RFTN2: variants seen among roughly 807,000 people sequenced by gnomAD.
The protein encoded by RFTN2 is raftlin-2.
In RFTN2, 34 loss-of-function variants were observed where a neutral mutation model predicts 52.7. The observed-to-expected ratio is 0.64, with a 90% CI of 0.49 to 0.86. The LOEUF (loss-of-function observed/expected upper bound fraction) is 0.86, where lower values mean the gene tolerates loss of function less well. Ranked by LOEUF, RFTN2 falls within the 40% of genes least tolerant of loss-of-function variation. RFTN2 has a pLI of 0.00. For missense variants in RFTN2, 536 were observed against 600.1 expected (o/e 0.89, Z 1.12); for synonymous variants, 203 against 217.7 (o/e 0.93, Z 0.59).
At chr2:197,664,835 C>T (rs1467871991) in intron 1 of RFTN2, among the ~76,000 whole-genome samples, 2 of 152,090 alleles carry the variant, frequency 1.3e-5, no homozygotes, top group East Asian at 3.9e-4. Context: ...ATGATTTATT[C>T]TAGAGAATGT....
chr2:197,633,575 T>TA (rs2088500187), intron 4 of RFTN2, 143 bp downstream of exon 4: 1 of 689,222 alleles, frequency 1.5e-6, no homozygotes, highest in East Asian at 2.8e-5. Flanking sequence ...TAATAACTTT[T>TA]AAAAATCATG....
At chr2:197,643,208 T>A (rs576285899) in intron 3 of RFTN2, among the ~76,000 whole-genome samples, 1 of 152,244 alleles carries the variant, frequency 6.6e-6, no homozygotes, top group African/African-American at 2.4e-5. Context: ...CTTACCCTCC[T>A]GAGTACATGG....
At chr2:197,599,438 C>T (rs2087846700) in intron 7 of RFTN2, among the ~76,000 whole-genome samples, 1 of 152,146 alleles carries the variant, frequency 6.6e-6, no homozygotes, top group South Asian at 2.1e-4. Flanking sequence ...CAGTGTGACA[C>T]AATTTCTGGC....
At chr2:197,587,364 G>A (rs2087617881) in intron 8 of RFTN2, among the ~76,000 whole-genome samples, 1 of 152,044 alleles carries the variant, frequency 6.6e-6, no homozygotes, top group Non-Finnish European at 1.5e-5. Context: ...AGGAATGTCA[G>A]GCCTCTGAGC....
chr2:197,598,094 C>T (rs1348679477), intron 7 of RFTN2, among the ~76,000 whole-genome samples: 1 of 152,062 alleles, frequency 6.6e-6, no homozygotes, highest in African/African-American at 2.4e-5. Context: ...GGAGGAGGAT[C>T]CCTTGAGCCC....
intron 1 of RFTN2, among the ~76,000 whole-genome samples, chr2:197,666,190 T>G (rs2089054914): frequency 6.6e-6 from 1 of 152,166 alleles, no homozygotes. Flanking sequence ...CTTCAAGCGT[T>G]TCTCTTGCCT....
intron 1 of RFTN2, among the ~76,000 whole-genome samples, chr2:197,664,631 A>T (rs1190234998): frequency 6.6e-6 from 1 of 151,852 alleles, no homozygotes; most frequent in East Asian, 1.9e-4. Context: ...TTACAAAAAA[A>T]AAATTTAGCT....
intron 1 of RFTN2, among the ~76,000 whole-genome samples, chr2:197,653,339 G>A (rs1321320077): frequency 6.7e-6 from 1 of 149,544 alleles, no homozygotes; most frequent in Non-Finnish European, 1.5e-5. Context: ...GAGACCTGAC[G>A]GGTGTCTTTC....
At chr2:197,630,944 C>T in intron 5 of RFTN2, 67 bp downstream of exon 5, 1 of 1,098,618 alleles carries the variant, frequency 9.1e-7, no homozygotes, top group Non-Finnish European at 1.4e-6. Flanking sequence ...GAGGTAAAAA[C>T]ATTTTCACTG....
chr2:197,607,213 A>C (rs559549381), intron 7 of RFTN2, among the ~76,000 whole-genome samples: 15 of 152,214 alleles, frequency 9.9e-5, no homozygotes, highest in Non-Finnish European at 2.2e-4. Context: ...CATCATTCTT[A>C]GCAAACTATT....
intron 7 of RFTN2, among the ~76,000 whole-genome samples, chr2:197,614,071 C>T (rs1185988970): frequency 6.6e-6 from 1 of 152,068 alleles, no homozygotes; most frequent in Non-Finnish European, 1.5e-5. Flanking sequence ...CCTCATCTAG[C>T]CCTTGATTAG....
At chr2:197,650,002 CACA>C (rs1447736340) in intron 1 of RFTN2, among the ~76,000 whole-genome samples, 6 of 152,058 alleles carry the variant, frequency 3.9e-5, no homozygotes, top group African/African-American at 1.4e-4. Context: ...GTAATGGCTG[CACA>C]ACAATATGAA....
chr2:197,675,231 A>G lies in RFTN2; in HGVS notation c.139+89T>C. 4.2e-6 allele frequency: 4 copies of G among 957,592 alleles called. No homozygotes were observed. The South Asian group carries it at 7.6e-5, about 18-fold the overall frequency. 59.3% of individuals were successfully genotyped at this position (957,592 alleles called of 1,614,324 possible). On this transcript the variant is annotated intron_variant, in intron 1 of 8. Coordinates refer to ENST00000295049, the MANE Select transcript of RFTN2 (RefSeq NM_144629.3). ...AATATACAATCTCATTATGAAGAAC[A>G]GTTTAAAAATTTATTAAGTCAACAC...
At chr2:197,591,915 C>G (rs572873061) in intron 8 of RFTN2, among the ~76,000 whole-genome samples, 4 of 152,064 alleles carry the variant, frequency 2.6e-5, no homozygotes, top group African/African-American at 4.8e-5. Context: ...GTTCCTGCCC[C>G]GTGCCTCTCC....
At chr2:197,612,917 A>G (rs1044649042) in intron 7 of RFTN2, among the ~76,000 whole-genome samples, 1 of 152,264 alleles carries the variant, frequency 6.6e-6, no homozygotes, top group African/African-American at 2.4e-5. Context: ...GTTGTTGCAT[A>G]TAAGACAAAC....
chr2:197,670,349 C>T (rs1329643256), intron 1 of RFTN2, among the ~76,000 whole-genome samples: 3 of 152,156 alleles, frequency 2.0e-5, no homozygotes, highest in African/African-American at 7.2e-5. Context: ...CTTCTATGAA[C>T]ATTCTTGTAG....
At chr2:197,669,529 T>C (rs751391021) in intron 1 of RFTN2, among the ~76,000 whole-genome samples, 1 of 152,216 alleles carries the variant, frequency 6.6e-6, no homozygotes, top group Non-Finnish European at 1.5e-5. Flanking sequence ...GCGGTTTTTC[T>C]ACAGATGTGG....
chr2:197,619,759 T>A (rs1443423837), intron 5 of RFTN2, among the ~76,000 whole-genome samples: 79 of 97,192 alleles, frequency 8.1e-4, no homozygotes, highest in Non-Finnish European at 1.1e-3. Context: ...AAAATAATAA[T>A]AACAATAATA....
At chr2:197,617,734 CAT>C (rs577304134) in intron 6 of RFTN2, 64 bp downstream of exon 6, 85 of 643,602 alleles carry the variant, frequency 1.3e-4, no homozygotes, top group East Asian at 5.4e-4. Context: ...CCAAACCAAA[CAT>C]ATATATATAT....
Sources: gnomAD v4.1 joint callset for allele counts (sites outside exome capture counted in the v4.1 genomes callset) on GRCh38, gnomAD v4.1.1 for gene constraint, MANE v1.5 for transcripts, NCBI Gene and HGNC (gene_info 2026-07-23, HGNC 2026-07-21) for gene names.